The following LGMN variants were observed in gnomAD, a reference collection of about 807,000 sequenced individuals.
LGMN encodes the protein asparaginyl endopeptidase.
LGMN carries 36 observed loss-of-function variants against 56.8 expected under a neutral mutation model. The ratio of observed to expected loss-of-function variants is 0.63; its 90% confidence interval spans 0.49 to 0.84. LGMN has a LOEUF of 0.84. Ranked by LOEUF, LGMN falls within the 40% of genes least tolerant of loss-of-function variation. The pLI is 0.00. For synonymous variants in LGMN, 199 were observed against 210.1 expected (o/e 0.95, Z 0.46); for missense variants, 446 against 556.1 (o/e 0.80, Z 1.99).
chr14:92,745,923 G>A (rs1052160017), intron 1 of LGMN, among the ~76,000 whole-genome samples: 13 of 152,040 alleles, frequency 8.6e-5, no homozygotes, highest in Admixed American at 2.6e-4. Context: ...CCTGGTTCAA[G>A]CAATTCTCCT....
At chr14:92,735,298 C>T (rs986702009) in intron 1 of LGMN, among the ~76,000 whole-genome samples, 6 of 152,080 alleles carry the variant, frequency 3.9e-5, no homozygotes, top group African/African-American at 1.4e-4. Context: ...CCTCCGCCTC[C>T]CAGGTTCAAG....
chr14:92,722,315 T>C (rs1890516038), intron 2 of LGMN, among the ~76,000 whole-genome samples: 1 of 152,162 alleles, frequency 6.6e-6, no homozygotes, highest in Non-Finnish European at 1.5e-5. Context: ...CTCACACCTG[T>C]AATTCTAGCA....
Position 92,716,206 on chromosome 14 carries a change from T to G in LGMN, c.334A>C (p.Asn112His), listed in dbSNP as rs1283957961. The part of the protein sequence containing the change: ...DYTGEDVTPQ[N>H]FLAVLRGDAE... Reference sequence around the variant, plus strand: ...TCGCCTCTCAACACAGCAAGGAAATTTTGTGGGGTAACATCCTACAAAGAA... The same window carrying G: ...TCGCCTCTCAACACAGCAAGGAAATGTTGTGGGGTAACATCCTACAAAGAA... The change falls in exon 5 of 14, where the codon AAT (asparagine) becomes CAT (histidine). Residue 112 changes from asparagine to histidine, a missense_variant. By Grantham distance (68) the Asn-to-His change is moderately conservative (BLOSUM62 1). Transcript: ENST00000334869. 6.2e-7 allele frequency: 1 copy of G among 1,613,292 alleles called. No homozygotes were observed. Among genetic ancestry groups the G allele is most frequent in the East Asian group, 2.2e-5 (1 of 44,876 alleles).
rs1381852945 is a variant in LGMN, at chr14:92,739,307, G to A, written c.-29-6492C>T. ...AAAAACTGACAAAAAAGTGAACGAC[G>A]CCGGCTAAACTACTCATTCTTTGTG... is the stretch of plus-strand genomic sequence containing the variant. On this transcript the variant is annotated intron_variant, in intron 1 of 13. Coordinates refer to ENST00000334869, the MANE Select transcript of LGMN (RefSeq NM_005606.7). Among the ~76,000 whole-genome samples the A allele has an allele frequency of 4.6e-5, 7 of 152,250 alleles. No homozygotes were observed. In the East Asian group the frequency reaches 5.8e-4, roughly 13 times the overall value.
At chr14:92,729,208 C>G (rs1450511416) in intron 2 of LGMN, among the ~76,000 whole-genome samples, 1 of 150,868 alleles carries the variant, frequency 6.6e-6, no homozygotes, top group Non-Finnish European at 1.5e-5. Flanking sequence ...CCATCCTGGC[C>G]CATCTTGCTG....
Position 92,718,746 on chromosome 14 carries a change from C to T in LGMN, c.236+1G>A. 4 of 1,603,760 alleles carry T rather than the reference C, an allele frequency of 2.5e-6. No homozygotes were observed. The highest frequency in any genetic ancestry group is 1.3e-5 in the African/African-American group (1 of 74,806). On this transcript the variant is annotated splice_donor_variant, in intron 3 of 13. Coordinates refer to ENST00000334869, the MANE Select transcript of LGMN (RefSeq NM_005606.7). LOFTEE classifies it high-confidence loss of function. ...CCAAGTTCCAAGTGTTCCCCACTTA[C>T]TCTTCAGAGTAAGCAATGTCATCGT...
chr14:92,712,321 G>T (rs572211975), intron 8 of LGMN, among the ~76,000 whole-genome samples: 13 of 152,314 alleles, frequency 8.5e-5, no homozygotes, highest in African/African-American at 3.1e-4. Context: ...GAAACATCTA[G>T]ATTAACTGAA....
chr14:92,746,870 G>A (rs956912604), intron 1 of LGMN, among the ~76,000 whole-genome samples: 1 of 151,560 alleles, frequency 6.6e-6, no homozygotes, highest in Admixed American at 6.6e-5. Context: ...CCCCGTCTCT[G>A]CTAAAAATAC....
intron 10 of LGMN, 146 bp from the exon 11 acceptor site, chr14:92,710,018 C>G (rs1264961735): frequency 3.3e-6 from 2 of 614,252 alleles, no homozygotes; most frequent in African/African-American, 3.7e-5. Flanking sequence ...CCCTCAGAGG[C>G]TCACATTTAC....
At chr14:92,735,357 C>T (rs934348250) in intron 1 of LGMN, among the ~76,000 whole-genome samples, 2 of 152,194 alleles carry the variant, frequency 1.3e-5, no homozygotes, top group African/African-American at 2.4e-5. Flanking sequence ...CAGGTGCCCA[C>T]CACCATGCCC....
chr14:92,722,607 T>C (rs1280332954), intron 2 of LGMN, among the ~76,000 whole-genome samples: 3 of 151,800 alleles, frequency 2.0e-5, no homozygotes, highest in African/African-American at 7.3e-5. Context: ...AAACAAAACT[T>C]TGATAAATTG....
chr14:92,716,405 G>A (rs1890080380), intron 4 of LGMN, among the ~76,000 whole-genome samples, 184 bp from the exon 5 acceptor site: 1 of 152,332 alleles, frequency 6.6e-6, no homozygotes, highest in East Asian at 1.9e-4. Context: ...GGCCGAAGCG[G>A]GCGGAACACT....
At chr14:92,708,766 G>A (rs546565570) in intron 11 of LGMN, among the ~76,000 whole-genome samples, 1 of 146,420 alleles carries the variant, frequency 6.8e-6, no homozygotes, top group African/African-American at 2.5e-5. Flanking sequence ...CTGAGGCAGG[G>A]GAATCTCTTA....
rs1041101785 is a variant in LGMN, at chr14:92,732,462, A to G, written c.138+187T>C. 4.8e-6 allele frequency: 3 copies of G among 631,386 alleles called. No homozygotes were observed. The African/African-American group carries it at 5.5e-5, about 12-fold the overall frequency. 39.1% of individuals were successfully genotyped at this position (631,386 alleles called of 1,614,324 possible). A position where few individuals can be genotyped will look rare whatever the true frequency, so the allele number is the denominator to read the frequency against. ...TTTTCCAAAATGGCTACACCATCTT[A>G]TAATCCTCCTGGCAACATATGAGGG... is the stretch of plus-strand genomic sequence containing the variant. On this transcript the variant is annotated intron_variant, in intron 2 of 13. Coordinates refer to ENST00000334869, the MANE Select transcript of LGMN (RefSeq NM_005606.7).
Position 92,711,829 on chromosome 14 carries a change from G to A in LGMN, c.729+8C>T. ...CCCAGCTGAACAGCCAGCCCCCAAA[G>A]GGCTCACCACGTCCGAATCTTCCAT... On this transcript the variant is annotated splice_region_variant and intron_variant, in intron 9 of 13. Transcript: ENST00000334869. 2 of 1,611,150 alleles carry A rather than the reference G, an allele frequency of 1.2e-6. No individual in the cohort carries two copies. The highest frequency in any genetic ancestry group is 1.7e-4 in the Middle Eastern group (1 of 6,056).
At position 92,714,844 on chromosome 14, in the gene LGMN, C is replaced by G. The variant is rs1323697057; in HGVS notation, c.405-393G>C. ...CAACACAGGCCTGCAGCCTCCCCCC[C>G]TCCAGGCCTCCTGTGGCCCACAGTC... On this transcript the variant is annotated intron_variant, in intron 5 of 13. Coordinates refer to ENST00000334869, the MANE Select transcript of LGMN (RefSeq NM_005606.7). This position sits in a 1 kb window ranked among gnomAD's most constrained non-coding sequence, Gnocchi z 5.1. Among the ~76,000 whole-genome samples the G allele has an allele frequency of 2.0e-5, 3 of 152,168 alleles. No individual in the cohort carries two copies. The East Asian group carries it at 5.8e-4, about 29-fold the overall frequency.
intron 1 of LGMN, among the ~76,000 whole-genome samples, chr14:92,739,297 A>C (rs1046100742): frequency 3.9e-5 from 6 of 152,166 alleles, no homozygotes; most frequent in African/African-American, 1.4e-4. Flanking sequence ...CTGACAAAAA[A>C]GTGAACGACG....
intron 2 of LGMN, among the ~76,000 whole-genome samples, chr14:92,729,280 T>C (rs1012677775): frequency 1.6e-4 from 24 of 151,174 alleles, no homozygotes; most frequent in Non-Finnish European, 3.1e-4. Flanking sequence ...CCCTCACACC[T>C]CTCTGGCACT....
At chr14:92,711,601 G>C in intron 10 of LGMN, 58 bp downstream of exon 10, 3 of 1,427,396 alleles carry the variant, frequency 2.1e-6, no homozygotes, top group Non-Finnish European at 2.0e-6. Flanking sequence ...CAATATTCCA[G>C]GCAAGTCCAC....
Sources: gnomAD v4.1 joint callset for allele counts (sites outside exome capture counted in the v4.1 genomes callset) on GRCh38, gnomAD v4.1.1 for gene constraint, Gnocchi (gnomAD v3.1) non-coding constraint, MANE v1.5 for transcripts, NCBI Gene and HGNC (gene_info 2026-07-23, HGNC 2026-07-21) for gene names.